VWA8: variants seen among roughly 807,000 people sequenced by gnomAD.
VWA8 encodes the protein von Willebrand factor A domain-containing protein 8.
In VWA8, 221 loss-of-function variants were observed where a neutral mutation model predicts 241.5. That is an observed-to-expected ratio of 0.91 (90% confidence interval 0.82 to 1.02). The LOEUF is 1.02. Among genes scored for constraint, VWA8 ranks in the 50% least tolerant of loss-of-function variants. The pLI, the probability that VWA8 is intolerant of heterozygous loss-of-function variation, is 0.00. For missense variants in VWA8, 2,322 were observed against 2,328.7 expected (o/e 1.00, Z 0.06); for synonymous variants, 852 against 827.1 (o/e 1.03, Z -0.52).
At chr13:41,909,928 G>A (rs1198754257) in intron 3 of VWA8, among the ~76,000 whole-genome samples, 1 of 152,172 alleles carries the variant, frequency 6.6e-6, no homozygotes, top group Non-Finnish European at 1.5e-5. Context: ...GCTTGCCCCA[G>A]ATTTTCTGCC....
At chr13:41,673,508 T>G (rs1196844411) in intron 36 of VWA8, among the ~76,000 whole-genome samples, 1 of 152,208 alleles carries the variant, frequency 6.6e-6, no homozygotes, top group Non-Finnish European at 1.5e-5. Context: ...AACAGACTCT[T>G]GACACTTGAA....
chr13:41,706,849 C>T (rs2045285878), intron 26 of VWA8, among the ~76,000 whole-genome samples: 1 of 152,172 alleles, frequency 6.6e-6, no homozygotes, highest in African/African-American at 2.4e-5. Context: ...TATTGTTTAA[C>T]TTTGTTAAAG....
chr13:41,802,620 G>C (rs1870011580), intron 17 of VWA8, among the ~76,000 whole-genome samples: 2 of 152,166 alleles, frequency 1.3e-5, no homozygotes, highest in African/African-American at 4.8e-5. Context: ...GAGCAAAGAG[G>C]ACTTTGTCTT....
At chr13:41,907,413 CA>C (rs1426460793) in intron 4 of VWA8, among the ~76,000 whole-genome samples, 172 bp downstream of exon 4, 2 of 152,074 alleles carry the variant, frequency 1.3e-5, no homozygotes, top group Non-Finnish European at 2.9e-5. Context: ...AGTACAAAAC[CA>C]AGAAGACATT....
At chr13:41,728,985 T>C (rs1207339261) in intron 23 of VWA8, among the ~76,000 whole-genome samples, 1 of 152,072 alleles carries the variant, frequency 6.6e-6, no homozygotes, top group Non-Finnish European at 1.5e-5. Context: ...ACTTAATTGT[T>C]CCTTGTAGTT....
chr13:41,898,711 C>T (rs1239696468), intron 4 of VWA8, among the ~76,000 whole-genome samples: 4 of 152,290 alleles, frequency 2.6e-5, no homozygotes, highest in East Asian at 1.9e-4. Flanking sequence ...GCTGCAGTCC[C>T]GAGGCCTGCC....
chr13:41,771,892 T>TTTC (rs2045826286), intron 20 of VWA8, among the ~76,000 whole-genome samples: 1 of 146,622 alleles, frequency 6.8e-6, no homozygotes, highest in Non-Finnish European at 1.5e-5. Flanking sequence ...GGGACTTTTT[T>TTTC]TTTTTTTTTT....
intron 21 of VWA8, among the ~76,000 whole-genome samples, chr13:41,744,065 G>T (rs1399849903): frequency 6.6e-6 from 1 of 152,196 alleles, no homozygotes; most frequent in East Asian, 1.9e-4. Context: ...CTTAATCAAT[G>T]ACTTAGAGAT....
intron 26 of VWA8, among the ~76,000 whole-genome samples, chr13:41,713,878 T>C (rs2045332899): frequency 6.6e-6 from 1 of 152,148 alleles, no homozygotes; most frequent in Admixed American, 6.5e-5. Context: ...AATAAATTTA[T>C]TTTTGATAAC....
At chr13:41,903,393 A>G (rs930396228) in intron 4 of VWA8, among the ~76,000 whole-genome samples, 2 of 152,168 alleles carry the variant, frequency 1.3e-5, no homozygotes, top group Admixed American at 1.3e-4. Context: ...AGCAAGATAG[A>G]CAGTTATATT....
At chr13:41,948,208 T>C (rs1338304119) in intron 2 of VWA8, among the ~76,000 whole-genome samples, 1 of 152,062 alleles carries the variant, frequency 6.6e-6, no homozygotes, top group African/African-American at 2.4e-5. Flanking sequence ...TAAAAAGCAA[T>C]GAACTACAGC....
chr13:41,676,742 C>T (rs574235673), intron 35 of VWA8, among the ~76,000 whole-genome samples: 2 of 152,206 alleles, frequency 1.3e-5, no homozygotes, highest in Non-Finnish European at 2.9e-5. Flanking sequence ...AAGTGGTTCT[C>T]GTGCCTCAGC....
Position 41,675,129 on chromosome 13 carries a change from A to G in VWA8, c.4409+86T>C, listed in dbSNP as rs2045051336. ...GAGCTTGCTATTTAAAGAAGCAAAA[A>G]AGTACTCATTTATTCAGAGTACTTA... On this transcript the variant is annotated intron_variant, in intron 36 of 44. Transcript: ENST00000379310. 1.8e-5 allele frequency: 16 copies of G among 902,260 alleles called. No individual in the cohort carries two copies. In the South Asian group the frequency reaches 2.9e-4, roughly 17 times the overall value. The allele number at this position is 902,260 out of a possible 1,614,324, so 55.9% of individuals were successfully genotyped here.
At chr13:41,597,391 A>C (rs767858048) in intron 40 of VWA8, among the ~76,000 whole-genome samples, 4 of 152,140 alleles carry the variant, frequency 2.6e-5, no homozygotes, top group Non-Finnish European at 5.9e-5. Context: ...ACAGCCATTA[A>C]AAATATTTTA....
chr13:41,864,029 T>C (rs969771235), intron 12 of VWA8, among the ~76,000 whole-genome samples: 2 of 150,610 alleles, frequency 1.3e-5, no homozygotes, highest in Admixed American at 1.3e-4. Context: ...AAAGAAGATA[T>C]ACAAATAGCC....
At chr13:41,937,102 A>G (rs1877385958) in intron 2 of VWA8, among the ~76,000 whole-genome samples, 1 of 152,204 alleles carries the variant, frequency 6.6e-6, no homozygotes, top group Admixed American at 6.5e-5. Flanking sequence ...ATAGGTTTGT[A>G]CCCTAGGAAC....
chr13:41,584,359 A>C (rs192909491), intron 42 of VWA8, among the ~76,000 whole-genome samples: 39 of 152,256 alleles, frequency 2.6e-4, no homozygotes, highest in Admixed American at 1.2e-3. Flanking sequence ...AGGATGGTGG[A>C]GTAAATGGCC....
At chr13:41,661,300 T>C (rs2044948611) in intron 37 of VWA8, among the ~76,000 whole-genome samples, 1 of 152,192 alleles carries the variant, frequency 6.6e-6, no homozygotes, top group Non-Finnish European at 1.5e-5. Flanking sequence ...TGGAGTTATA[T>C]AGAGACAAAT....
intron 2 of VWA8, among the ~76,000 whole-genome samples, chr13:41,919,335 A>C (rs971752001): frequency 1.3e-5 from 2 of 152,162 alleles, no homozygotes; most frequent in African/African-American, 4.8e-5. Context: ...TTGCTACCAG[A>C]GATTCCTGCA....
Sources: allele counts gnomAD v4.1 joint callset (sites outside exome capture counted in the v4.1 genomes callset), GRCh38; gene constraint gnomAD v4.1.1; transcripts MANE v1.5; gene names NCBI Gene and HGNC (gene_info 2026-07-23, HGNC 2026-07-21).